PRKD1: variants seen among roughly 807,000 people sequenced by gnomAD.
PRKD1 encodes serine/threonine-protein kinase D1.
Under a neutral mutation model 95.9 loss-of-function variants are expected in PRKD1, and 63 were observed. That is an observed-to-expected ratio of 0.66 (90% CI 0.54 to 0.81). The LOEUF (loss-of-function observed/expected upper bound fraction) is 0.81. PRKD1 is among the 30% of genes least tolerant of loss of function. The pLI, the probability that PRKD1 is intolerant of heterozygous loss-of-function variation, is 0.00. For missense variants in PRKD1, 1,048 were observed against 1,165.3 expected, an observed-to-expected ratio of 0.90 and a Z score of 1.47; for synonymous variants, 425 against 423.1, an observed-to-expected ratio of 1.00 and a Z score of -0.05.
chr14:29,713,505 T>C (rs1042431859), intron 2 of PRKD1, among the ~76,000 whole-genome samples: 5 of 152,178 alleles, frequency 3.3e-5, no homozygotes, highest in Non-Finnish European at 7.4e-5. Flanking sequence ...AGAATTTATA[T>C]ACTTAACTGA....
intron 4 of PRKD1, among the ~76,000 whole-genome samples, chr14:29,644,677 T>A (rs926777896): frequency 6.6e-6 from 1 of 152,104 alleles, no homozygotes; most frequent in African/African-American, 2.4e-5. Context: ...TTATAAAAAG[T>A]GTTTTCTATC....
intron 1 of PRKD1, among the ~76,000 whole-genome samples, chr14:29,744,139 A>G (rs1460419786): frequency 6.6e-6 from 1 of 152,248 alleles, no homozygotes; most frequent in African/African-American, 2.4e-5. Context: ...CCCTTAAAAC[A>G]TGGACTCATC....
In PRKD1 at chr14:29,694,361, C is replaced by T. The variant is rs570994633; in HGVS notation, c.404-28153G>A. 2.0e-5 allele frequency among the ~76,000 whole-genome samples: 3 copies of T among 152,234 alleles called. No homozygotes were observed. The South Asian group carries it at 6.2e-4, about 32-fold the overall frequency. ...CATTTCAGCTGAAAAAGTTAACTTG[C>T]CCAATTATGAGATAGAAAAGACTTT... is the stretch of plus-strand genomic sequence containing the variant. On this transcript the variant is annotated intron_variant, in intron 2 of 17. Coordinates refer to ENST00000331968, the MANE Select transcript of PRKD1 (RefSeq NM_002742.3).
At chr14:29,921,918 C>T (rs1895125454) in intron 1 of PRKD1, among the ~76,000 whole-genome samples, 1 of 152,180 alleles carries the variant, frequency 6.6e-6, no homozygotes, top group South Asian at 2.1e-4. Context: ...CTCTTCCCAG[C>T]CCATGGACTA....
chr14:29,638,529 T>G lies in PRKD1; in HGVS notation c.945A>C (p.Lys315Asn), dbSNP rs748794742. The G allele has an allele frequency of 6.2e-7, 1 of 1,614,226 alleles. No homozygotes were observed. Among genetic ancestry groups the G allele is most frequent in the African/African-American group, 1.3e-5 (1 of 75,068 alleles). Residue 315 changes from lysine (K) to asparagine (N), a missense_variant, in exon 6 of 18, where the codon AAA (lysine) becomes AAC (asparagine). Transcript: ENST00000331968. ...CTTCGCCAAGGCAGTTGTTTGGTAC[T>G]TTCGGTGCACAACGTTTATGGCAGT... ...RFNCHKRCAPKVPNNCLGEVT... is the reference protein window; with the variant it reads ...RFNCHKRCAPNVPNNCLGEVT...
intron 2 of PRKD1, among the ~76,000 whole-genome samples, chr14:29,717,545 T>C (rs766925396): frequency 2.0e-5 from 3 of 152,114 alleles, no homozygotes; most frequent in Non-Finnish European, 4.4e-5. Context: ...AGATATAACA[T>C]AAATATGATG....
At chr14:29,923,000 G>C (rs1333107312) in intron 1 of PRKD1, among the ~76,000 whole-genome samples, 3 of 152,192 alleles carry the variant, frequency 2.0e-5, no homozygotes, top group East Asian at 3.9e-4. Context: ...GGAGGCCGAG[G>C]TAGGAGGACC....
intron 16 of PRKD1, among the ~76,000 whole-genome samples, chr14:29,579,382 G>GCAC (rs1892679400): frequency 6.6e-6 from 1 of 152,038 alleles, no homozygotes; most frequent in South Asian, 2.1e-4. Flanking sequence ...ATTTCAAAGA[G>GCAC]TTAATTTTTG....
At chr14:29,697,582 A>AT (rs1884597759) in intron 2 of PRKD1, among the ~76,000 whole-genome samples, 1 of 152,206 alleles carries the variant, frequency 6.6e-6, no homozygotes, top group Admixed American at 6.5e-5. Flanking sequence ...GCAAACATCT[A>AT]TTTTATTAAA....
intron 1 of PRKD1, among the ~76,000 whole-genome samples, chr14:29,818,841 T>C (rs991544768): frequency 6.6e-6 from 1 of 150,612 alleles, no homozygotes; most frequent in Non-Finnish European, 1.5e-5. Flanking sequence ...ACTATCAATT[T>C]ACTCTAAGAA....
At chr14:29,715,880 T>G (rs1490726632) in intron 2 of PRKD1, among the ~76,000 whole-genome samples, 1 of 152,152 alleles carries the variant, frequency 6.6e-6, no homozygotes, top group Admixed American at 6.6e-5. Context: ...ATTTAGTAAA[T>G]AAGCCACATG....
intron 1 of PRKD1, among the ~76,000 whole-genome samples, chr14:29,924,035 T>C (rs987126240): frequency 4.6e-5 from 7 of 152,074 alleles, no homozygotes; most frequent in African/African-American, 1.4e-4. Context: ...CTGAAAACAA[T>C]AACCATGTAC....
chr14:29,843,005 C>T (rs556488845), intron 1 of PRKD1, among the ~76,000 whole-genome samples: 3 of 151,980 alleles, frequency 2.0e-5, no homozygotes, highest in South Asian at 2.1e-4. Context: ...TAGAAAGAGC[C>T]GGCCAGAGAA....
chr14:29,905,267 A>C (rs573009991), intron 1 of PRKD1, among the ~76,000 whole-genome samples: 10 of 152,312 alleles, frequency 6.6e-5, no homozygotes, highest in African/African-American at 2.4e-4. Flanking sequence ...CATCATCAAG[A>C]GGGCCGGAAC....
At chr14:29,708,408 T>A (rs1885186335) in intron 2 of PRKD1, among the ~76,000 whole-genome samples, 1 of 152,244 alleles carries the variant, frequency 6.6e-6, no homozygotes. Flanking sequence ...AGGTATTAAG[T>A]GCATAAGCAT....
At position 29,578,877 on chromosome 14, in the gene PRKD1, T is replaced by C. The variant is rs796486598; in HGVS notation, c.2435-517A>G. On this transcript the variant is annotated intron_variant, in intron 16 of 17. Transcript: ENST00000331968. ...GCATCATAACATGGGTCATATCTCATGATAAACTTGGAGCCTGAAAACCAA... is the reference window on the plus strand; with the variant it reads ...GCATCATAACATGGGTCATATCTCACGATAAACTTGGAGCCTGAAAACCAA... Among the ~76,000 whole-genome samples the C allele has an allele frequency of 2.2e-4, 34 of 152,284 alleles. No homozygotes were observed. In the South Asian group the frequency reaches 2.3e-3, roughly 10 times the overall value.
chr14:29,614,099 T>C (rs1878678893), intron 13 of PRKD1, among the ~76,000 whole-genome samples: 1 of 152,172 alleles, frequency 6.6e-6, no homozygotes. Flanking sequence ...TTTTCTCCAA[T>C]TTTCTAAAAG....
chr14:29,767,612 A>T (rs1888312521), intron 1 of PRKD1, among the ~76,000 whole-genome samples: 1 of 152,178 alleles, frequency 6.6e-6, no homozygotes, highest in Non-Finnish European at 1.5e-5. Context: ...ATTCCATTTT[A>T]GCCAGTGTTC....
At chr14:29,733,460 G>C (rs747849173) in intron 1 of PRKD1, among the ~76,000 whole-genome samples, 1 of 152,016 alleles carries the variant, frequency 6.6e-6, no homozygotes, top group African/African-American at 2.4e-5. Flanking sequence ...GCTATTAGTC[G>C]GTTCTCATGC....
Sources: gnomAD v4.1 joint callset for allele counts (sites outside exome capture counted in the v4.1 genomes callset) on GRCh38, gnomAD v4.1.1 for gene constraint, MANE v1.5 for transcripts, NCBI Gene and HGNC (gene_info 2026-07-23, HGNC 2026-07-21) for gene names.